The following LIMS1 variants were observed in gnomAD, a reference collection of about 807,000 sequenced individuals.
The protein encoded by LIMS1 is LIM zinc finger domain containing 1.
In LIMS1, 18 loss-of-function variants were observed where a neutral mutation model predicts 44.1. The observed-to-expected ratio is 0.41, with a 90% CI of 0.28 to 0.61. The LOEUF is 0.61. Among genes scored for constraint, LIMS1 ranks in the 20% least tolerant of loss-of-function variants. The probability of loss-of-function intolerance (pLI) is 0.32; values close to 1 mark genes in which losing one functional copy is unlikely to be tolerated. For missense variants in LIMS1, 201 were observed against 422.0 expected (o/e 0.48, Z 4.59); for synonymous variants, 93 against 149.1 (o/e 0.62, Z 2.74).
intron 1 of LIMS1, among the ~76,000 whole-genome samples, chr2:108,636,595 C>A (rs1337013105): frequency 6.6e-6 from 1 of 152,218 alleles, no homozygotes; most frequent in South Asian, 2.1e-4. Context: ...ACTGCATCAC[C>A]AGCACCTAGC....
chr2:108,616,446 A>G (rs1349187701), intron 1 of LIMS1, among the ~76,000 whole-genome samples: 1 of 152,074 alleles, frequency 6.6e-6, no homozygotes, highest in Non-Finnish European at 1.5e-5. Context: ...CCTGGGCTCA[A>G]GCTGTCTGTT....
At chr2:108,662,025 G>T (rs555021902) in intron 2 of LIMS1, among the ~76,000 whole-genome samples, 1 of 152,226 alleles carries the variant, frequency 6.6e-6, no homozygotes, top group Admixed American at 6.5e-5. Context: ...TTAAATATAA[G>T]ATATTTTTAT....
chr2:108,621,206 G>A, intron 1 of LIMS1: 1 of 1,402,708 alleles, frequency 7.1e-7, no homozygotes, highest in Non-Finnish European at 9.5e-7. Context: ...ACAGGAAGCT[G>A]TGCTTCAGCA....
chr2:108,685,839 C>T (rs541565875), exon 10 of LIMS1: 2 of 152,180 alleles, frequency 1.3e-5, no homozygotes, highest in East Asian at 1.9e-4. Context: ...AGTATAGCGT[C>T]TTGATGCTAA....
At chr2:108,550,059 A>G (rs947190901) in intron 1 of LIMS1, among the ~76,000 whole-genome samples, 2 of 152,168 alleles carry the variant, frequency 1.3e-5, no homozygotes, top group Non-Finnish European at 2.9e-5. Flanking sequence ...AATATTTATC[A>G]TATTTATTAA....
In LIMS1 at chr2:108,568,684, G is replaced by T. The variant is rs78574359; in HGVS notation, c.32+34090G>T. On this transcript the variant is annotated intron_variant, in intron 1 of 9. Transcript: ENST00000544547. ...TTTCTCCACATCCCCACCTACATTTGTTATTCTTTGTTGTTTTGTTTTGTT... is the reference window on the plus strand; with the variant it reads ...TTTCTCCACATCCCCACCTACATTTTTTATTCTTTGTTGTTTTGTTTTGTT... Among the ~76,000 whole-genome samples the T allele has an allele frequency of 2.8e-3, 420 of 152,176 alleles. 4 individuals are homozygous for T. The highest frequency in any genetic ancestry group is 9.7e-3 in the African/African-American group (401 of 41,526).
intron 1 of LIMS1, among the ~76,000 whole-genome samples, chr2:108,593,507 T>G (rs1270708098): frequency 6.6e-6 from 1 of 152,206 alleles, no homozygotes; most frequent in Non-Finnish European, 1.5e-5. Flanking sequence ...AAAAGGGACA[T>G]AGACACAGAA....
chr2:108,626,166 G>A (rs1296414010), intron 1 of LIMS1, among the ~76,000 whole-genome samples: 2 of 152,210 alleles, frequency 1.3e-5, no homozygotes, highest in Non-Finnish European at 2.9e-5. Context: ...CTCTTTTGCA[G>A]TTTGCTGATC....
intron 1 of LIMS1, among the ~76,000 whole-genome samples, chr2:108,625,035 C>G (rs751125283): frequency 6.6e-6 from 1 of 152,202 alleles, no homozygotes; most frequent in African/African-American, 2.4e-5. Context: ...GCCGAGATCA[C>G]GCCGTTGCAC....
intron 9 of LIMS1, chr2:108,681,209 T>C (rs1692971106): frequency 2.4e-6 from 3 of 1,253,622 alleles, no homozygotes; most frequent in Non-Finnish European, 2.0e-6. Context: ...TTTTGCTTTC[T>C]TCCCCCCCTG....
At position 108,624,480 on chromosome 2, in the gene LIMS1, G is replaced by T. The variant is rs554180278; in HGVS notation, c.33-35125G>T. Among the ~76,000 whole-genome samples the T allele has an allele frequency of 3.9e-5, 6 of 152,360 alleles. No homozygotes were observed. In the East Asian group the frequency reaches 1.2e-3, roughly 29 times the overall value. On this transcript the variant is annotated intron_variant, in intron 1 of 9. Coordinates refer to ENST00000544547, the Ensembl canonical transcript of LIMS1. ...AGCTTAATATAGGGGCTGGTGGCTG[G>T]ATGCAGTGGCTGACGCCTATAATCC... is the stretch of plus-strand genomic sequence containing the variant.
chr2:108,583,207 A>T lies in LIMS1; in HGVS notation c.32+48613A>T, dbSNP rs1010268214. Among the ~76,000 whole-genome samples, 103 of 139,762 alleles carry T rather than the reference A, an allele frequency of 7.4e-4. 1 individual carries two copies. Among genetic ancestry groups the T allele is most frequent in the African/African-American group, 2.5e-3 (95 of 37,554 alleles). 91.7% of individuals were successfully genotyped at this position (139,762 alleles called of 152,430 possible). A position where few individuals can be genotyped will look rare whatever the true frequency, so the allele number is the denominator to read the frequency against. On this transcript the variant is annotated intron_variant, in intron 1 of 9. Transcript: ENST00000544547. ...ACCACCACGCCTGGCTAATGTTTGT[A>T]TTTTTTTTTTTTTTTTAGTAGAGAG...
chr2:108,685,901 C>T (rs1056174757), exon 10 of LIMS1: 1 of 152,118 alleles, frequency 6.6e-6, no homozygotes, highest in Non-Finnish European at 1.5e-5. Flanking sequence ...CAAGCATTTA[C>T]ATATATTCTT....
At chr2:108,545,575 G>T (rs560148171) in intron 1 of LIMS1, among the ~76,000 whole-genome samples, 1 of 152,270 alleles carries the variant, frequency 6.6e-6, no homozygotes, top group Admixed American at 6.5e-5. Context: ...TAAATTGGTA[G>T]TTGGATCTAA....
At chr2:108,534,631 C>T (rs1684052454) in intron 1 of LIMS1, 37 bp downstream of exon 1, 2 of 1,085,382 alleles carry the variant, frequency 1.8e-6, no homozygotes, top group East Asian at 5.6e-5. Flanking sequence ...CCACGTCCGC[C>T]CCGCAGCTCC....
intron 1 of LIMS1, among the ~76,000 whole-genome samples, chr2:108,587,022 T>C (rs553507460): frequency 2.0e-5 from 3 of 152,332 alleles, no homozygotes; most frequent in African/African-American, 7.2e-5. Context: ...CCAAACTAGC[T>C]GGGACCGTTG....
intron 1 of LIMS1, among the ~76,000 whole-genome samples, chr2:108,566,567 C>T (rs1464068518): frequency 6.6e-6 from 1 of 152,008 alleles, no homozygotes; most frequent in Non-Finnish European, 1.5e-5. Flanking sequence ...CTGCTGTTGT[C>T]GTAAAATGCC....
At chr2:108,566,369 G>A (rs187090543) in intron 1 of LIMS1, among the ~76,000 whole-genome samples, 7 of 152,282 alleles carry the variant, frequency 4.6e-5, no homozygotes, top group Admixed American at 3.9e-4. Context: ...TGTCTTCTAT[G>A]TCAGCAGTTC....
intron 1 of LIMS1, among the ~76,000 whole-genome samples, chr2:108,640,025 G>A (rs1689562944): frequency 6.6e-6 from 1 of 152,192 alleles, no homozygotes; most frequent in Non-Finnish European, 1.5e-5. Context: ...TGCTTTTAAT[G>A]ATTGCACCTT....
Sources: gnomAD v4.1 joint callset for allele counts (sites outside exome capture counted in the v4.1 genomes callset) on GRCh38, gnomAD v4.1.1 for gene constraint, MANE v1.5 for transcripts, NCBI Gene and HGNC (gene_info 2026-07-23, HGNC 2026-07-21) for gene names.